LZTS1: variants seen among roughly 807,000 people sequenced by gnomAD.
LZTS1 encodes leucine zipper tumor suppressor 1.
LZTS1 carries 31 observed loss-of-function variants against 45.8 expected under a neutral mutation model. The observed-to-expected ratio is 0.68, with a 90% confidence interval of 0.51 to 0.91. The LOEUF (loss-of-function observed/expected upper bound fraction) is 0.91, where lower values mean the gene tolerates loss of function less well. Among genes scored for constraint, LZTS1 ranks in the 40% least tolerant of loss-of-function variants. The pLI, the probability that LZTS1 is intolerant of heterozygous loss-of-function variation, is 0.00. For missense variants in LZTS1, 821 were observed against 788.9 expected (o/e 1.04, Z -0.49); for synonymous variants, 359 against 357.3 (o/e 1.00, Z -0.05).
chr8:20,273,583 C>T (rs1800517505), intron 1 of LZTS1, among the ~76,000 whole-genome samples: 1 of 152,120 alleles, frequency 6.6e-6, no homozygotes, highest in South Asian at 2.1e-4. Context: ...AGCCAGAAAC[C>T]GGTCCCAAGA....
chr8:20,246,776 C>G lies in LZTS1; in HGVS notation c.*2946G>C, dbSNP rs762515895. ...GAGTCCGATCCTTGGTGAGGTGATG[C>G]GGAGTGCTGCTCTCTCCTGCAGGCG... On this transcript the variant is annotated 3_prime_UTR_variant, in exon 4 of 4. Coordinates refer to ENST00000381569, the MANE Select transcript of LZTS1 (RefSeq NM_021020.5). 1 of 152,304 alleles carries G rather than the reference C, an allele frequency of 6.6e-6. No homozygotes were observed. Among genetic ancestry groups the G allele is most frequent in the African/African-American group, 2.4e-5 (1 of 41,440 alleles). 9.4% of individuals were successfully genotyped at this position (152,304 alleles called of 1,614,324 possible).
rs183053548 is a variant in LZTS1, at chr8:20,302,228, A to T, written c.-135+1512T>A. Among the ~76,000 whole-genome samples the T allele has an allele frequency of 2.6e-5, 4 of 152,300 alleles. No individual in the cohort carries two copies. The East Asian group carries it at 5.8e-4, about 22-fold the overall frequency. On this transcript the variant is annotated intron_variant, in intron 1 of 3. Transcript: ENST00000381569. ...GTATGAGATAACGTCTATGATGAGC[A>T]GAAAGAGCCTCCAAAGAAAAGCGCT...
chr8:20,279,857 C>T (rs1204373361), intron 1 of LZTS1, among the ~76,000 whole-genome samples: 1 of 150,144 alleles, frequency 6.7e-6, no homozygotes, highest in Non-Finnish European at 1.5e-5. Flanking sequence ...CATGGTAGCA[C>T]ATGCCCGTAG....
chr8:20,280,694 G>A (rs1800671915), intron 1 of LZTS1, among the ~76,000 whole-genome samples: 1 of 152,102 alleles, frequency 6.6e-6, no homozygotes. Flanking sequence ...AGGGAGGAAG[G>A]GGCAGGGTGG....
intron 1 of LZTS1, among the ~76,000 whole-genome samples, chr8:20,287,561 G>A (rs928976124): frequency 7.2e-5 from 11 of 152,114 alleles, no homozygotes; most frequent in African/African-American, 2.7e-4. Context: ...CCGTCTTCAG[G>A]GCAGGGAGGT....
At chr8:20,292,204 T>C (rs964921959) in intron 1 of LZTS1, among the ~76,000 whole-genome samples, 3 of 152,202 alleles carry the variant, frequency 2.0e-5, no homozygotes, top group Admixed American at 2.0e-4. Flanking sequence ...TTCATGTCAG[T>C]AGGCAAAGGA....
chr8:20,291,115 T>C (rs1336322520), intron 1 of LZTS1, among the ~76,000 whole-genome samples: 2 of 152,254 alleles, frequency 1.3e-5, no homozygotes, highest in Non-Finnish European at 2.9e-5. Context: ...CCGCCCATTC[T>C]ACATAACTTC....
intron 2 of LZTS1, among the ~76,000 whole-genome samples, chr8:20,254,243 G>A (rs768885595): frequency 8.5e-5 from 13 of 152,192 alleles, no homozygotes; most frequent in African/African-American, 1.2e-4. Flanking sequence ...TGGGACGCAC[G>A]AGGGCTTGAG....
At chr8:20,293,098 T>C (rs1800925979) in intron 1 of LZTS1, among the ~76,000 whole-genome samples, 1 of 152,100 alleles carries the variant, frequency 6.6e-6, no homozygotes, top group Non-Finnish European at 1.5e-5. Context: ...TGCTATCAAC[T>C]AGGAGATACG....
chr8:20,267,584 C>T (rs1164944804), intron 1 of LZTS1, among the ~76,000 whole-genome samples: 3 of 152,102 alleles, frequency 2.0e-5, no homozygotes, highest in Non-Finnish European at 2.9e-5. Flanking sequence ...GATGTGATCT[C>T]GGCTCACTGC....
intron 1 of LZTS1, among the ~76,000 whole-genome samples, chr8:20,276,184 T>A (rs1386146988): frequency 1.3e-5 from 2 of 152,082 alleles, no homozygotes; most frequent in Non-Finnish European, 2.9e-5. Context: ...TATTATAAAA[T>A]ATATATTTGG....
chr8:20,248,311 C>A lies in LZTS1; in HGVS notation c.*1411G>T, dbSNP rs1563843611. The A allele has an allele frequency of 6.6e-6, 1 of 152,312 alleles. No individual in the cohort carries two copies. The highest frequency in any genetic ancestry group is 2.1e-4 in the South Asian group (1 of 4,832). 9.4% of individuals were successfully genotyped at this position (152,312 alleles called of 1,614,324 possible). A position where few individuals can be genotyped will look rare whatever the true frequency, so the allele number is the denominator to read the frequency against. Reference sequence around the variant, plus strand: ...CTCCAGCCTGGGGGACAGAGCAAGACCCTGTCTCATAAAATTAAAAATAAA... The same window carrying A: ...CTCCAGCCTGGGGGACAGAGCAAGAACCTGTCTCATAAAATTAAAAATAAA... On this transcript the variant is annotated 3_prime_UTR_variant, in exon 4 of 4. Coordinates refer to ENST00000381569, the MANE Select transcript of LZTS1 (RefSeq NM_021020.5).
At chr8:20,272,003 G>T (rs1800483692) in intron 1 of LZTS1, among the ~76,000 whole-genome samples, 1 of 152,224 alleles carries the variant, frequency 6.6e-6, no homozygotes, top group African/African-American at 2.4e-5. Flanking sequence ...GCTGCTGGGA[G>T]CACCTGTGCA....
intron 1 of LZTS1, among the ~76,000 whole-genome samples, chr8:20,261,685 G>A: frequency 6.6e-6 from 1 of 152,208 alleles, no homozygotes; most frequent in East Asian, 1.9e-4. Context: ...AGAGAGATGT[G>A]AACTAACCTG....
In LZTS1 at chr8:20,300,333, AT is replaced by A. The variant is rs1002487210; in HGVS notation, c.-135+3406del. Among the ~76,000 whole-genome samples, 172 of 149,700 alleles carry A rather than the reference AT, an allele frequency of 1.1e-3. 1 individual carries two copies. The highest frequency in any genetic ancestry group is 3.8e-3 in the African/African-American group (155 of 40,768). On this transcript the variant is annotated intron_variant, in intron 1 of 3. Coordinates refer to ENST00000381569, the MANE Select transcript of LZTS1 (RefSeq NM_021020.5). ...AGTATCTACTGAAAGCCAACACTGTATTTTTTTTTTCTTTTTTGAGACGGAG... is the reference window on the plus strand; with the variant it reads ...AGTATCTACTGAAAGCCAACACTGTATTTTTTTTTCTTTTTTGAGACGGAG...
intron 1 of LZTS1, among the ~76,000 whole-genome samples, chr8:20,269,205 T>C (rs1445416278): frequency 6.6e-6 from 1 of 152,172 alleles, no homozygotes; most frequent in Non-Finnish European, 1.5e-5. Flanking sequence ...TCCACATTCA[T>C]GGCTTGGACC....
At chr8:20,272,550 G>A (rs1276849801) in intron 1 of LZTS1, among the ~76,000 whole-genome samples, 1 of 152,126 alleles carries the variant, frequency 6.6e-6, no homozygotes, top group East Asian at 1.9e-4. Flanking sequence ...TAGCTGCCCT[G>A]TGCTTCTCCT....
At chr8:20,287,316 C>T (rs1392041256) in intron 1 of LZTS1, among the ~76,000 whole-genome samples, 3 of 152,264 alleles carry the variant, frequency 2.0e-5, no homozygotes, top group South Asian at 4.1e-4. Context: ...ACTGGAGCTT[C>T]GTGCCCTGGA....
intron 1 of LZTS1, among the ~76,000 whole-genome samples, chr8:20,273,892 C>T (rs940549708): frequency 1.3e-5 from 2 of 152,036 alleles, no homozygotes; most frequent in Non-Finnish European, 2.9e-5. Flanking sequence ...ATCTTTGTAT[C>T]TTCATGTCAT....
Sources: gnomAD v4.1 joint callset for allele counts (sites outside exome capture counted in the v4.1 genomes callset) on GRCh38, gnomAD v4.1.1 for gene constraint, MANE v1.5 for transcripts, NCBI Gene and HGNC (gene_info 2026-07-23, HGNC 2026-07-21) for gene names.